WDR19: variants seen among roughly 807,000 people sequenced by gnomAD.
The protein encoded by WDR19 is WD repeat-containing protein 19.
Under a neutral mutation model 180.0 loss-of-function variants are expected in WDR19, and 121 were observed. The ratio of observed to expected loss-of-function variants is 0.67; its 90% CI spans 0.58 to 0.78. The LOEUF is 0.78. Ranked by LOEUF, WDR19 falls within the 30% of genes least tolerant of loss-of-function variation. The pLI is 0.00. For missense variants in WDR19, 1,450 were observed against 1,640.7 expected (o/e 0.88, Z 2.01); for synonymous variants, 497 against 540.7 (o/e 0.92, Z 1.12).
chr4:39,216,865 T>C (rs1055957423), intron 12 of WDR19, among the ~76,000 whole-genome samples: 1 of 152,234 alleles, frequency 6.6e-6, no homozygotes, highest in African/African-American at 2.4e-5. Flanking sequence ...GGTTTAATTC[T>C]TTAATTGTTT....
At chr4:39,240,177 TAAAAAAAA>T (rs55876795) in intron 20 of WDR19, 92 bp from the exon 21 acceptor site, 43 of 146,862 alleles carry the variant, frequency 2.9e-4, no homozygotes, top group African/African-American at 8.0e-4. Context: ...ACCCTGTCTC[TAAAAAAAA>T]AAAAAAAAAA....
chr4:39,240,042 T>C (rs1462416296), intron 20 of WDR19, among the ~76,000 whole-genome samples: 7 of 152,008 alleles, frequency 4.6e-5, no homozygotes, highest in Middle Eastern at 3.2e-3. Flanking sequence ...CAAGGCATGG[T>C]GGCGCATGCC....
chr4:39,217,052 A>G, intron 12 of WDR19, 82 bp from the exon 13 acceptor site: 2 of 920,350 alleles, frequency 2.2e-6, no homozygotes, highest in Non-Finnish European at 3.2e-6. Flanking sequence ...TTGCAAAAGC[A>G]CACCTTTTAA....
intron 21 of WDR19, among the ~76,000 whole-genome samples, chr4:39,243,025 C>T (rs1732131050): frequency 6.6e-6 from 1 of 152,138 alleles, no homozygotes; most frequent in Admixed American, 6.5e-5. Flanking sequence ...TGCATCACTG[C>T]ACTCCAGCCT....
At chr4:39,249,667 C>G (rs1192973278) in intron 24 of WDR19, among the ~76,000 whole-genome samples, 1 of 152,128 alleles carries the variant, frequency 6.6e-6, no homozygotes, top group Admixed American at 6.5e-5. Flanking sequence ...GGGGATATCA[C>G]CACCGATCCC....
At chr4:39,271,549 A>G (rs6847200) in intron 31 of WDR19, among the ~76,000 whole-genome samples, 1 of 152,194 alleles carries the variant, frequency 6.6e-6, no homozygotes, top group African/African-American at 2.4e-5. Context: ...AGCCTGGGCA[A>G]CAGAGCGAGA....
chr4:39,186,344 T>C (rs1361319267), intron 2 of WDR19, among the ~76,000 whole-genome samples, 195 bp from the exon 3 acceptor site: 1 of 151,768 alleles, frequency 6.6e-6, no homozygotes, highest in Non-Finnish European at 1.5e-5. Context: ...CCAGGTATGG[T>C]GGCAGGCATC....
intron 31 of WDR19, 74 bp downstream of exon 31, chr4:39,270,174 T>A (rs1735212542): frequency 6.4e-7 from 1 of 1,571,714 alleles, no homozygotes; most frequent in Non-Finnish European, 8.7e-7. Context: ...TCCAGGCCCT[T>A]CTCCATTGGA....
At chr4:39,253,854 T>C (rs1318002231) in intron 25 of WDR19, 52 bp from the exon 26 acceptor site, 39 of 1,482,284 alleles carry the variant, frequency 2.6e-5, no homozygotes, top group Non-Finnish European at 3.5e-5. Context: ...AAAAATTTTG[T>C]AAATCACAAA....
chr4:39,238,301 G>A (rs1731572071), intron 20 of WDR19, among the ~76,000 whole-genome samples: 1 of 152,208 alleles, frequency 6.6e-6, no homozygotes, highest in South Asian at 2.1e-4. Context: ...AGCAGGGCCA[G>A]TCTATCAGGT....
intron 10 of WDR19, 23 bp from the exon 11 acceptor site, chr4:39,215,818 A>T (rs1166534830): frequency 6.9e-6 from 11 of 1,586,656 alleles, no homozygotes; most frequent in Non-Finnish European, 9.4e-6. Flanking sequence ...TTGAATAATC[A>T]TTTATTTTGT....
intron 24 of WDR19, among the ~76,000 whole-genome samples, chr4:39,252,295 G>A (rs34734964): frequency 0.46 from 66,768 of 145,344 alleles, 17,862 homozygotes; most frequent in East Asian, 0.62. Flanking sequence ...ACTCATAGGT[G>A]GGAGTTGAAC....
At position 39,278,007 on chromosome 4, in the gene WDR19, A is replaced by G. The variant is rs1018284726; in HGVS notation, c.3841-124A>G. On this transcript the variant is annotated intron_variant, in intron 34 of 36. Transcript: ENST00000399820. Reference sequence around the variant, plus strand: ...AGGTGGAGGTTGCAGACAGCCAACAATGTGCCACTGCACTCCAGCCTGGGT... The same window carrying G: ...AGGTGGAGGTTGCAGACAGCCAACAGTGTGCCACTGCACTCCAGCCTGGGT... The G allele has an allele frequency of 9.7e-5, 75 of 770,178 alleles. No individual in the cohort carries two copies. The African/African-American group carries it at 1.3e-3, about 13-fold the overall frequency. The allele number at this position is 770,178 out of a possible 1,614,324, so 47.7% of individuals were successfully genotyped here.
intron 23 of WDR19, 24 bp from the exon 24 acceptor site, chr4:39,245,345 G>C (rs368830256): frequency 1.1e-5 from 18 of 1,602,188 alleles, no homozygotes; most frequent in Non-Finnish European, 1.5e-5. Context: ...TACTCATACT[G>C]TTCTCCTGGA....
chr4:39,263,768 T>C (rs1222697112), intron 28 of WDR19, among the ~76,000 whole-genome samples: 10 of 151,866 alleles, frequency 6.6e-5, no homozygotes, highest in Admixed American at 5.9e-4. Flanking sequence ...CTACTAAAAA[T>C]GTAAAATTAG....
chr4:39,197,226 C>T (rs1406941128), intron 5 of WDR19, among the ~76,000 whole-genome samples: 5 of 151,750 alleles, frequency 3.3e-5, no homozygotes, highest in Non-Finnish European at 5.9e-5. Flanking sequence ...GTCAGGAGTT[C>T]GAAACCAGCC....
chr4:39,278,754 A>G (rs1004144464), intron 36 of WDR19, 91 bp downstream of exon 36: 2 of 646,464 alleles, frequency 3.1e-6, no homozygotes, highest in Non-Finnish European at 5.2e-6. Flanking sequence ...AACTCCTTTC[A>G]GTGCACCATG....
At chr4:39,199,054 C>G (rs1267699109) in intron 5 of WDR19, among the ~76,000 whole-genome samples, 1 of 151,658 alleles carries the variant, frequency 6.6e-6, no homozygotes, top group Non-Finnish European at 1.5e-5. Flanking sequence ...ATAGTCCCAG[C>G]TACTTGGGAC....
chr4:39,270,127 A>G lies in WDR19; in HGVS notation c.3483+27A>G, dbSNP rs373931859. ...TGAGGCCCATGGAGTGACTTGGGAC[A>G]TAACCTGCCAGGTGTTTGTCCCCCA... On this transcript the variant is annotated intron_variant, in intron 31 of 36. Transcript: ENST00000399820. 1.9e-6 allele frequency: 3 copies of G among 1,609,666 alleles called. No homozygotes were observed. In the African/African-American group the frequency reaches 4.0e-5, roughly 22 times the overall value.
Sources: allele counts gnomAD v4.1 joint callset (sites outside exome capture counted in the v4.1 genomes callset), GRCh38; gene constraint gnomAD v4.1.1; transcripts MANE v1.5; gene names NCBI Gene and HGNC (gene_info 2026-07-23, HGNC 2026-07-21).